The following HJURP variants were observed in gnomAD, a reference collection of about 807,000 sequenced individuals.
HJURP encodes the protein 14-3-3-associated AKT substrate.
A neutral mutation model predicts 72.0 loss-of-function variants in HJURP; 49 were observed. That is an observed-to-expected ratio of 0.68 (90% CI 0.54 to 0.86). The LOEUF (loss-of-function observed/expected upper bound fraction) is 0.86. Ranked by LOEUF, HJURP falls within the 40% of genes least tolerant of loss-of-function variation. HJURP has a pLI of 0.00. For missense variants in HJURP, 908 were observed against 936.3 expected (o/e 0.97, Z 0.39); for synonymous variants, 357 against 347.1 (o/e 1.03, Z -0.32).
At position 233,853,851 on chromosome 2, in the gene HJURP, C is replaced by T; in HGVS notation, c.177G>A (p.Thr59=). 1 of 1,613,772 alleles carries T rather than the reference C, an allele frequency of 6.2e-7. No individual in the cohort carries two copies. Among genetic ancestry groups the T allele is most frequent in the Admixed American group, 1.7e-5 (1 of 60,024 alleles). ...VVQMATLTYE[T]PQGLRIWGGR... ...GGTGGGGAAGACCCTTACCCTGTGG[C>T]GTCTCGTAGGTCAGCGTGGCCATTT... The change falls in exon 2 of 9, where the codon ACG becomes ACA. Residue 59 remains threonine, a synonymous_variant. Transcript: ENST00000411486.
chr2:233,850,573 C>A (rs562746632), intron 3 of HJURP, among the ~76,000 whole-genome samples: 2 of 152,110 alleles, frequency 1.3e-5, no homozygotes. Context: ...AAAAACAGGG[C>A]GTGAGAAGGT....
At chr2:233,845,163 T>C (rs1042671058) in intron 6 of HJURP, among the ~76,000 whole-genome samples, 8 of 152,068 alleles carry the variant, frequency 5.3e-5, no homozygotes, top group African/African-American at 1.4e-4. Context: ...TAGATTTTTT[T>C]TTTTTTGAGA....
chr2:233,842,362 A>G (rs1340542111), intron 7 of HJURP, among the ~76,000 whole-genome samples, 157 bp from the exon 8 acceptor site: 1 of 152,238 alleles, frequency 6.6e-6, no homozygotes, highest in Non-Finnish European at 1.5e-5. Context: ...CTCTTCTCAG[A>G]GATATTTTTT....
chr2:233,848,807 G>A (rs901680775), intron 4 of HJURP, among the ~76,000 whole-genome samples: 1 of 152,114 alleles, frequency 6.6e-6, no homozygotes, highest in Admixed American at 6.5e-5. Flanking sequence ...CTCCACCTGG[G>A]GGAAGGGCAA....
At chr2:233,843,707 G>A (rs186981522) in intron 7 of HJURP, among the ~76,000 whole-genome samples, 34 of 152,308 alleles carry the variant, frequency 2.2e-4, no homozygotes, top group Admixed American at 2.0e-3. Context: ...TGCAAAGGAC[G>A]TCACTGGCAC....
Position 233,841,643 on chromosome 2 carries a change from C to T in HJURP, c.1137G>A (p.Val379=), listed in dbSNP as rs773177779. The part of the protein sequence containing the change: ...KLDPSWKERK[V]TPSKYSSLIY... ...TCAAGGAAGAATACTTCGAGGGTGT[C>T]ACTTTGCGCTCCTTCCAACTTGGAT... The change falls in exon 8 of 9, where the codon GTG becomes GTA. Residue 379 remains valine, a synonymous_variant. Transcript: ENST00000411486. 27 of 1,614,084 alleles carry T rather than the reference C, an allele frequency of 1.7e-5. No homozygotes were observed. Among genetic ancestry groups the T allele is most frequent in the Middle Eastern group, 1.6e-4 (1 of 6,084 alleles).
Position 233,837,470 on chromosome 2 carries a change from A to G in HJURP, c.*107T>C. 1.3e-6 allele frequency: 1 copy of G among 752,560 alleles called. No individual in the cohort carries two copies. The highest frequency in any genetic ancestry group is 2.4e-5 in the Admixed American group (1 of 41,102). The allele number at this position is 752,560 out of a possible 1,614,324, so 46.6% of individuals were successfully genotyped here. A position where few individuals can be genotyped will look rare whatever the true frequency, so the allele number is the denominator to read the frequency against. ...ACCAATTTCACTAATATTTACTTTA[A>G]GGGCAGAGAAGTCAACCAAGTCCTC... On this transcript the variant is annotated 3_prime_UTR_variant, in exon 9 of 9. Transcript: ENST00000411486.
rs760012915 is a variant in HJURP, at chr2:233,840,915, CCTTCTGTTTGATATCGAA to C, written c.1847_1864del (p.Val616_Glu621del). The C allele has an allele frequency of 1.5e-5, 24 of 1,614,000 alleles. No homozygotes were observed. The highest frequency in any genetic ancestry group is 1.6e-5 in the Non-Finnish European group (19 of 1,180,046). ...GTCTGGATTTAATTTTCCTAAGAAG[CCTTCTGTTTGATATCGAA>C]CTTCCATACTTGCTTTATCTGTAGA... On this transcript the variant is annotated inframe_deletion, in exon 8 of 9. Coordinates refer to ENST00000411486, the MANE Select transcript of HJURP (RefSeq NM_018410.5).
At chr2:233,850,724 C>A (rs910611614) in intron 3 of HJURP, among the ~76,000 whole-genome samples, 22 of 152,138 alleles carry the variant, frequency 1.4e-4, no homozygotes, top group African/African-American at 5.3e-4. Flanking sequence ...GAAACCGTCA[C>A]GTAAGGTGGA....
chr2:233,853,056 G>T (rs1381859574), intron 2 of HJURP, among the ~76,000 whole-genome samples: 1 of 152,182 alleles, frequency 6.6e-6, no homozygotes, highest in Non-Finnish European at 1.5e-5. Context: ...CCTGCCACTG[G>T]AATATTTTAG....
At chr2:233,839,553 G>T (rs1559494857) in intron 8 of HJURP, among the ~76,000 whole-genome samples, 1 of 152,236 alleles carries the variant, frequency 6.6e-6, no homozygotes, top group Non-Finnish European at 1.5e-5. Flanking sequence ...CTGAGAGTGT[G>T]GTCTCTGCCA....
At chr2:233,840,473 C>T (rs1212292165) in intron 8 of HJURP, 136 bp downstream of exon 8, 4 of 886,352 alleles carry the variant, frequency 4.5e-6, no homozygotes, top group Non-Finnish European at 6.9e-6. Context: ...TGGGAGAAAG[C>T]TCAGAAAATG....
intron 1 of HJURP, 106 bp downstream of exon 1, chr2:233,854,278 C>G (rs917432): frequency 0.47 from 344,548 of 727,206 alleles, 85,116 homozygotes; most frequent in Non-Finnish European, 0.5. Context: ...CTTCCCCAAC[C>G]CCCGCTCCGA....
intron 3 of HJURP, among the ~76,000 whole-genome samples, chr2:233,850,384 G>A (rs1432235989): frequency 2.0e-5 from 3 of 152,206 alleles, no homozygotes; most frequent in African/African-American, 7.2e-5. Context: ...GGTGGGCAGA[G>A]GTGGTCGGGC....
intron 4 of HJURP, among the ~76,000 whole-genome samples, chr2:233,848,052 G>A (rs1705410905): frequency 1.3e-5 from 2 of 152,066 alleles, no homozygotes; most frequent in Non-Finnish European, 2.9e-5. Flanking sequence ...TAGCACCACA[G>A]GTAAATATCC....
intron 3 of HJURP, among the ~76,000 whole-genome samples, chr2:233,850,572 G>A (rs17862903): frequency 0.19 from 29,665 of 152,170 alleles, 3,191 homozygotes; most frequent in African/African-American, 0.28. Context: ...TAAAAACAGG[G>A]CGTGAGAAGG....
At chr2:233,849,520 G>T (rs913718057) in intron 4 of HJURP, among the ~76,000 whole-genome samples, 2 of 152,120 alleles carry the variant, frequency 1.3e-5, no homozygotes, top group Non-Finnish European at 2.9e-5. Context: ...ACATGGAGGG[G>T]CATGTTTATT....
At chr2:233,844,644 G>A (rs192684968) in intron 6 of HJURP, among the ~76,000 whole-genome samples, 4 of 152,158 alleles carry the variant, frequency 2.6e-5, no homozygotes, top group Non-Finnish European at 4.4e-5. Context: ...AGATCCGTTC[G>A]TTCCTAACCC....
intron 4 of HJURP, among the ~76,000 whole-genome samples, chr2:233,847,885 C>T (rs188082311): frequency 1.9e-4 from 29 of 152,334 alleles, no homozygotes; most frequent in African/African-American, 6.3e-4. Flanking sequence ...TTTTATTTCA[C>T]TTTCAACTAA....
Sources: gnomAD v4.1 joint callset for allele counts (sites outside exome capture counted in the v4.1 genomes callset) on GRCh38, gnomAD v4.1.1 for gene constraint, MANE v1.5 for transcripts, NCBI Gene and HGNC (gene_info 2026-07-23, HGNC 2026-07-21) for gene names.